The following NEO1 variants were observed in gnomAD, a reference collection of about 807,000 sequenced individuals.
The protein encoded by NEO1 is neogenin.
In NEO1, 63 loss-of-function variants were observed where a neutral mutation model predicts 159.7. That is an observed-to-expected ratio of 0.39 (90% CI 0.32 to 0.49). NEO1 has a LOEUF of 0.49. Among genes scored for constraint, NEO1 ranks in the 20% least tolerant of loss-of-function variants. The pLI, the probability that NEO1 is intolerant of heterozygous loss-of-function variation, is 0.85. For synonymous variants in NEO1, 633 were observed against 662.0 expected (o/e 0.96, Z 0.67); for missense variants, 1,615 against 1,831.0 (o/e 0.88, Z 2.15).
At chr15:73,133,189 G>GTATA (rs564506282) in intron 4 of NEO1, among the ~76,000 whole-genome samples, 4 of 151,142 alleles carry the variant, frequency 2.6e-5, no homozygotes, top group African/African-American at 7.3e-5. Context: ...ATATATATAC[G>GTATA]TATATATATA....
chr15:73,239,064 G>A (rs1049318001), intron 8 of NEO1, among the ~76,000 whole-genome samples: 2 of 151,974 alleles, frequency 1.3e-5, no homozygotes, highest in African/African-American at 4.8e-5. Context: ...AGCCAGGCTG[G>A]TATCGGACTC....
At chr15:73,277,126 T>C (rs972738325) in intron 21 of NEO1, among the ~76,000 whole-genome samples, 3 of 152,202 alleles carry the variant, frequency 2.0e-5, no homozygotes, top group Admixed American at 1.3e-4. Context: ...CAAACAGTTG[T>C]ATATGATGGA....
At chr15:73,296,501 C>T (rs563096403) in intron 26 of NEO1, among the ~76,000 whole-genome samples, 2 of 152,234 alleles carry the variant, frequency 1.3e-5, no homozygotes, top group East Asian at 3.9e-4. Flanking sequence ...ATCCATGGAC[C>T]CAAGATCAGA....
chr15:73,137,419 G>C (rs1175669072), intron 5 of NEO1, among the ~76,000 whole-genome samples: 1 of 152,052 alleles, frequency 6.6e-6, no homozygotes, highest in African/African-American at 2.4e-5. Flanking sequence ...ATAGAGAAAG[G>C]TATCCCATTT....
At chr15:73,272,283 A>G (rs1266427185) in intron 18 of NEO1, among the ~76,000 whole-genome samples, 172 bp from the exon 19 acceptor site, 1 of 152,126 alleles carries the variant, frequency 6.6e-6, no homozygotes, top group Non-Finnish European at 1.5e-5. Context: ...TACTCTGAAT[A>G]TTCTTCTTTT....
At chr15:73,133,750 G>C (rs554178142) in intron 4 of NEO1, among the ~76,000 whole-genome samples, 1 of 152,026 alleles carries the variant, frequency 6.6e-6, no homozygotes, top group Non-Finnish European at 1.5e-5. Flanking sequence ...AGTTCTAAAG[G>C]CTCGATGGTC....
intron 15 of NEO1, 91 bp downstream of exon 15, chr15:73,260,556 G>T (rs938935694): frequency 8.4e-7 from 1 of 1,192,046 alleles, no homozygotes; most frequent in African/African-American, 1.5e-5. Flanking sequence ...CAAGAAAATT[G>T]CGAAAATAGT....
At chr15:73,067,636 A>G (rs1427473133) in intron 1 of NEO1, among the ~76,000 whole-genome samples, 1 of 138,866 alleles carries the variant, frequency 7.2e-6, no homozygotes, top group Non-Finnish European at 1.6e-5. Context: ...TTTTTTTTTG[A>G]GACAGAGTCT....
intron 24 of NEO1, 107 bp from the exon 25 acceptor site, chr15:73,289,039 T>C (rs986889932): frequency 1.4e-5 from 11 of 785,368 alleles, no homozygotes; most frequent in Middle Eastern, 4.6e-4. Context: ...TTGTCCCCAT[T>C]ATGCTGTTTG....
At chr15:73,235,025 A>G (rs954790686) in intron 7 of NEO1, among the ~76,000 whole-genome samples, 3 of 152,212 alleles carry the variant, frequency 2.0e-5, no homozygotes, top group East Asian at 3.8e-4. Flanking sequence ...TATGTAAGGT[A>G]TTCAAGAAGT....
At chr15:73,134,227 TCTTA>T (rs1567277509) in intron 4 of NEO1, among the ~76,000 whole-genome samples, 1 of 152,232 alleles carries the variant, frequency 6.6e-6, no homozygotes, top group African/African-American at 2.4e-5. Context: ...TTATATAATA[TCTTA>T]CTTCTGTGTT....
chr15:73,266,674 C>G (rs974174821), intron 16 of NEO1, among the ~76,000 whole-genome samples: 3 of 151,878 alleles, frequency 2.0e-5, no homozygotes, highest in African/African-American at 7.3e-5. Flanking sequence ...ATGTGGAAAG[C>G]AGAGTTTTTA....
chr15:73,233,208 C>T lies in NEO1; in HGVS notation c.1292-3139C>T, dbSNP rs545021062. Among the ~76,000 whole-genome samples the T allele has an allele frequency of 2.0e-5, 3 of 152,256 alleles. No individual in the cohort carries two copies. In the East Asian group the frequency reaches 5.8e-4, roughly 29 times the overall value. On this transcript the variant is annotated intron_variant, in intron 7 of 28. Coordinates refer to ENST00000261908, the MANE Select transcript of NEO1 (RefSeq NM_002499.4). ...GGATATGGAACAGCAGCAATAGAAT[C>T]AACCTGGGGAAAGCTGATAGAGAAC...
chr15:73,104,894 A>C (rs2070599750), intron 1 of NEO1, among the ~76,000 whole-genome samples: 1 of 152,144 alleles, frequency 6.6e-6, no homozygotes, highest in African/African-American at 2.4e-5. Flanking sequence ...GTATCACCAG[A>C]ACAGCAAGGG....
At position 73,070,721 on chromosome 15, in the gene NEO1, T is replaced by C. The variant is rs574379034; in HGVS notation, c.130+17916T>C. 2.1e-3 allele frequency among the ~76,000 whole-genome samples: 315 copies of C among 152,064 alleles called. 2 individuals carry two copies. The highest frequency in any genetic ancestry group is 7.2e-3 in the African/African-American group (300 of 41,406). On this transcript the variant is annotated intron_variant, in intron 1 of 28. Transcript: ENST00000261908. The stretch of plus-strand genomic sequence containing the variant: ...TTTATAAATTAGGTACAGTAAGATA[T>C]TAATAATAACTAGAACAGTTATGAC...
intron 1 of NEO1, among the ~76,000 whole-genome samples, chr15:73,082,369 A>G (rs1311852756): frequency 1.3e-5 from 2 of 152,188 alleles, no homozygotes. Context: ...GTAATATAAG[A>G]TGACATTTGT....
chr15:73,238,559 A>T lies in NEO1; in HGVS notation c.1451+2053A>T, dbSNP rs578114869. On this transcript the variant is annotated intron_variant, in intron 8 of 28. Coordinates refer to ENST00000261908, the MANE Select transcript of NEO1 (RefSeq NM_002499.4). ...TCTTAAATTATAGATGGATTAAGAG[A>T]TAAATATTTTTAAAATCTATAAATA... 2.0e-5 allele frequency among the ~76,000 whole-genome samples: 3 copies of T among 151,794 alleles called. No individual in the cohort carries two copies. The East Asian group carries it at 5.8e-4, about 29-fold the overall frequency.
At chr15:73,157,859 TA>T (rs61004962) in intron 5 of NEO1, among the ~76,000 whole-genome samples, 137,138 of 152,156 alleles carry the variant, frequency 0.9, 62,166 homozygotes, top group Admixed American at 0.95. Context: ...ACATCAATAC[TA>T]ATACTGTTTC....
At chr15:73,209,831 A>G (rs2037450887) in intron 7 of NEO1, among the ~76,000 whole-genome samples, 1 of 152,052 alleles carries the variant, frequency 6.6e-6, no homozygotes, top group South Asian at 2.1e-4. Context: ...GTTTCTACTA[A>G]AAAACAAACA....
Sources: gnomAD v4.1 joint callset for allele counts (sites outside exome capture counted in the v4.1 genomes callset) on GRCh38, gnomAD v4.1.1 for gene constraint, MANE v1.5 for transcripts, NCBI Gene and HGNC (gene_info 2026-07-23, HGNC 2026-07-21) for gene names.